Variants in SMAD1 observed in about 807,000 individuals in gnomAD.
SMAD1 encodes MAD, mothers against decapentaplegic homolog 1.
SMAD1 carries 6 observed loss-of-function variants against 41.6 expected under a neutral mutation model. That is an observed-to-expected ratio of 0.14 (90% CI 0.08 to 0.28). SMAD1 has a LOEUF of 0.28. SMAD1 is among the 10% of genes least tolerant of loss of function. The pLI, the probability that SMAD1 is intolerant of heterozygous loss-of-function variation, is 1.00. For missense variants in SMAD1, 379 were observed against 582.6 expected (o/e 0.65, Z 3.60); for synonymous variants, 206 against 203.2 (o/e 1.01, Z -0.12).
At chr4:145,512,766 A>G (rs1730154375) in intron 1 of SMAD1, among the ~76,000 whole-genome samples, 1 of 152,130 alleles carries the variant, frequency 6.6e-6, no homozygotes, top group East Asian at 1.9e-4. Flanking sequence ...GGTATGCTTG[A>G]TAACTTTTGG....
At position 145,558,800 on chromosome 4, in the gene SMAD1, C is replaced by T. The variant is rs1732984190; in HGVS notation, c.*866C>T. ...TTCTGCAGCTGGTTAATTCATGTAA[C>T]TGTGAGAGCAAATGAATAATTCCTG... On this transcript the variant is annotated 3_prime_UTR_variant, in exon 7 of 7. Transcript: ENST00000302085. Among the ~76,000 whole-genome samples the T allele has an allele frequency of 6.6e-6, 1 of 152,090 alleles. No individual in the cohort carries two copies. Among genetic ancestry groups the T allele is most frequent in the Non-Finnish European group, 1.5e-5 (1 of 68,032 alleles).
intron 3 of SMAD1, 121 bp downstream of exon 3, chr4:145,540,182 G>C (rs1176371447): frequency 9.1e-7 from 1 of 1,095,148 alleles, no homozygotes; most frequent in Non-Finnish European, 1.3e-6. Context: ...ATGACATAGT[G>C]CTCTCGCACT....
chr4:145,528,104 TA>T (rs1293512420), intron 2 of SMAD1, among the ~76,000 whole-genome samples: 2 of 149,608 alleles, frequency 1.3e-5, no homozygotes, highest in African/African-American at 4.9e-5. Flanking sequence ...TACACACACA[TA>T]TATTTTTTTT....
intron 1 of SMAD1, among the ~76,000 whole-genome samples, chr4:145,496,512 G>A (rs1171601333): frequency 6.6e-6 from 1 of 152,174 alleles, no homozygotes; most frequent in Non-Finnish European, 1.5e-5. Flanking sequence ...TTTGAATATA[G>A]TTGACCCTTG....
At chr4:145,523,239 T>A (rs550866493) in intron 2 of SMAD1, among the ~76,000 whole-genome samples, 2 of 152,302 alleles carry the variant, frequency 1.3e-5, no homozygotes, top group African/African-American at 4.8e-5. Flanking sequence ...CTAAATTGAA[T>A]AGAGGTGTGG....
chr4:145,504,862 C>A (rs559023353), intron 1 of SMAD1, among the ~76,000 whole-genome samples: 1 of 152,138 alleles, frequency 6.6e-6, no homozygotes, highest in Non-Finnish European at 1.5e-5. Flanking sequence ...TCTTTGCTTA[C>A]AAGATGGCTT....
rs117024838 is a variant in SMAD1, at chr4:145,502,399, A to G, written c.-176-12039A>G. Among the ~76,000 whole-genome samples, 36 of 152,366 alleles carry G rather than the reference A, an allele frequency of 2.4e-4. No individual in the cohort carries two copies. In the East Asian group the frequency reaches 6.9e-3, roughly 29 times the overall value. ...ATGGCAAGAAGATATAGAAAAGCCA[A>G]CTTTGTTTGTTGAAGTTGGGGACAA... On this transcript the variant is annotated intron_variant, in intron 1 of 6. Transcript: ENST00000302085.
At chr4:145,549,850 G>C (rs1006867653) in intron 5 of SMAD1, among the ~76,000 whole-genome samples, 1 of 152,150 alleles carries the variant, frequency 6.6e-6, no homozygotes, top group African/African-American at 2.4e-5. Context: ...TGAAATGCTA[G>C]AACCTAGGTT....
At chr4:145,484,660 A>G (rs77621889) in intron 1 of SMAD1, 1 of 152,216 alleles carries the variant, frequency 6.6e-6, no homozygotes. Flanking sequence ...GAGATATTCA[A>G]TCTGAATTGT....
rs1189829036 is a variant in SMAD1 at position 145,558,083 on chromosome 4, A to AC, written c.*149_*150insC. The AC allele has an allele frequency of 1.5e-4, 61 of 399,992 alleles. No homozygotes were observed. Among genetic ancestry groups the AC allele is most frequent in the Middle Eastern group, 1.3e-3 (2 of 1,498 alleles). 24.8% of individuals were successfully genotyped at this position (399,992 alleles called of 1,614,324 possible). ...TGTTGGATTCAGAAATTTAAACAAA[A>AC]AAAAAAAAAAACACACACACCTTGG... On this transcript the variant is annotated 3_prime_UTR_variant, in exon 7 of 7. Coordinates refer to ENST00000302085, the MANE Select transcript of SMAD1 (RefSeq NM_005900.3).
intron 2 of SMAD1, among the ~76,000 whole-genome samples, chr4:145,515,975 A>G (rs1730362086): frequency 1.3e-5 from 2 of 152,204 alleles, no homozygotes; most frequent in Admixed American, 6.5e-5. Context: ...ATGTAATAAC[A>G]TGGTTTTCAA....
In SMAD1 at chr4:145,482,560, C is replaced by T. The variant is rs1343435068; in HGVS notation, c.-177+522C>T. 1 of 151,892 alleles carries T rather than the reference C, an allele frequency of 6.6e-6. No homozygotes were observed. Among genetic ancestry groups the T allele is most frequent in the African/African-American group, 2.4e-5 (1 of 41,334 alleles). The allele number at this position is 151,892 out of a possible 1,614,324, so 9.4% of individuals were successfully genotyped here. On this transcript the variant is annotated intron_variant, in intron 1 of 6. Transcript: ENST00000302085. The surrounding 1 kb of genome is among the most constrained non-coding windows in gnomAD (Gnocchi z 4.2). ...ACCGCTGGCGCTGCTCTCCAAGGCGCCTGGTGGAGCGGGTCTCGCGGGCGG... is the reference window on the plus strand; with the variant it reads ...ACCGCTGGCGCTGCTCTCCAAGGCGTCTGGTGGAGCGGGTCTCGCGGGCGG...
chr4:145,543,306 A>G (rs933511022), intron 4 of SMAD1, among the ~76,000 whole-genome samples: 1 of 152,172 alleles, frequency 6.6e-6, no homozygotes, highest in African/African-American at 2.4e-5. Flanking sequence ...GTATTTAGAA[A>G]CAATAAGTAT....
chr4:145,493,329 G>A (rs953503033), intron 1 of SMAD1, among the ~76,000 whole-genome samples: 4 of 152,188 alleles, frequency 2.6e-5, no homozygotes, highest in African/African-American at 4.8e-5. Context: ...TATACAGCTG[G>A]TTGCGTATAG....
intron 2 of SMAD1, among the ~76,000 whole-genome samples, chr4:145,521,624 A>G (rs915411494): frequency 7.2e-5 from 11 of 152,166 alleles, no homozygotes; most frequent in Admixed American, 3.3e-4. Context: ...TCTTAAAATT[A>G]TAGAAATAGA....
rs370506404 is a variant in SMAD1, at chr4:145,514,795, C to T, written c.182C>T (p.Pro61Leu). ...LEKALSCPGQPSNCVTIPRSL... is the reference protein window; with the variant it reads ...LEKALSCPGQLSNCVTIPRSL... ...AAGGCCTTGAGCTGCCCAGGGCAAC[C>T]GAGTAACTGTGTCACCATTCCCCGC... Residue 61 changes from proline to leucine, a missense_variant, in exon 2 of 7, where the codon CCG becomes CTG. Transcript: ENST00000302085. This position sits in a 1 kb window ranked among gnomAD's most constrained non-coding sequence, Gnocchi z 4.7. The T allele has an allele frequency of 1.4e-5, 23 of 1,614,068 alleles. No individual in the cohort carries two copies. Among genetic ancestry groups the T allele is most frequent in the Non-Finnish European group, 1.9e-5 (22 of 1,179,990 alleles).
rs922629911 is a variant in SMAD1 at position 145,557,800 on chromosome 4, G to A, written c.1264G>A (p.Ala422Thr). 1 of 1,607,288 alleles carries A rather than the reference G, an allele frequency of 6.2e-7. No homozygotes were observed. Among genetic ancestry groups the A allele is most frequent in the Non-Finnish European group, 8.5e-7 (1 of 1,175,826 alleles). The change falls in exon 7 of 7, where the codon GCA becomes ACA. Residue 422 changes from alanine (A) to threonine (T), a missense_variant. Physicochemically the swap from Ala to Thr is moderately conservative, Grantham distance 58. Transcript: ENST00000302085. ...IRMSFVKGWG[A>T]EYHRQDVTST... ...AGTATGTTTTTCCTAGGGCTGGGGA[G>A]CAGAATACCACCGCCAGGATGTTAC... is the stretch of plus-strand genomic sequence containing the variant.
intron 1 of SMAD1, among the ~76,000 whole-genome samples, chr4:145,505,849 A>AT (rs113159231): frequency 0.01 from 1,503 of 145,990 alleles, 17 homozygotes; most frequent in African/African-American, 0.027. Flanking sequence ...AGGTCAAACA[A>AT]TTTTTTTTTT....
At chr4:145,495,130 C>T (rs980742717) in intron 1 of SMAD1, among the ~76,000 whole-genome samples, 25 of 152,056 alleles carry the variant, frequency 1.6e-4, no homozygotes, top group African/African-American at 3.9e-4. Context: ...TGGAGGGAGA[C>T]GCTGGAGGGT....
Sources: gnomAD v4.1 joint callset for allele counts (sites outside exome capture counted in the v4.1 genomes callset) on GRCh38, gnomAD v4.1.1 for gene constraint, Gnocchi (gnomAD v3.1) non-coding constraint, MANE v1.5 for transcripts, NCBI Gene and HGNC (gene_info 2026-07-23, HGNC 2026-07-21) for gene names.